Variants in CAND1 observed in about 807,000 individuals in gnomAD.
CAND1 encodes the protein cullin-associated NEDD8-dissociated protein 1.
Under a neutral mutation model 108.5 loss-of-function variants are expected in CAND1, and 7 were observed. The observed-to-expected ratio is 0.06, with a 90% CI of 0.04 to 0.12. CAND1 has a LOEUF of 0.12. Among genes scored for constraint, CAND1 ranks in the 10% least tolerant of loss-of-function variants. The pLI is 1.00. For missense variants in CAND1, 941 were observed against 1,448.7 expected (o/e 0.65, Z 5.69); for synonymous variants, 534 against 512.0 (o/e 1.04, Z -0.58).
chr12:67,291,738 G>T (rs912214321), intron 2 of CAND1, among the ~76,000 whole-genome samples: 7 of 152,164 alleles, frequency 4.6e-5, no homozygotes, highest in African/African-American at 1.4e-4. Context: ...ATGAGGTCAG[G>T]TGTGGAATTT....
Position 67,298,944 on chromosome 12 carries a change from C to T in CAND1, c.855-6C>T, listed in dbSNP as rs374907934. 15 of 1,510,622 alleles carry T rather than the reference C, an allele frequency of 9.9e-6. No homozygotes were observed. In the African/African-American group the frequency reaches 2.1e-4, roughly 21 times the overall value. 93.6% of individuals were successfully genotyped at this position (1,510,622 alleles called of 1,614,324 possible). A position where few individuals can be genotyped will look rare whatever the true frequency, so the allele number is the denominator to read the frequency against. ...TCTTCAAGGCAGCTTTTGTTTTTGTCTTTAGATGTCCTAAGGAAGTATATC... is the reference window on the plus strand; with the variant it reads ...TCTTCAAGGCAGCTTTTGTTTTTGTTTTTAGATGTCCTAAGGAAGTATATC... On this transcript the variant is annotated splice_polypyrimidine_tract_variant and splice_region_variant and intron_variant, in intron 6 of 14. Transcript: ENST00000545606.
At position 67,311,608 on chromosome 12, in the gene CAND1, T is replaced by TC. The variant is rs539725114; in HGVS notation, c.3361-83dup. Reference sequence around the variant, plus strand: ...GGTTTACTTTGCATGCTAGTTATTTTCCTTTAAAGGATTTGTCAGAATTTA... The same window carrying TC: ...GGTTTACTTTGCATGCTAGTTATTTTCCCTTTAAAGGATTTGTCAGAATTTA... On this transcript the variant is annotated intron_variant, in intron 13 of 14. Transcript: ENST00000545606. The TC allele has an allele frequency of 2.1e-4, 108 of 523,210 alleles. 1 individual carries two copies. The Middle Eastern group carries it at 2.3e-3, about 11-fold the overall frequency. The allele number at this position is 523,210 out of a possible 1,614,324, so 32.4% of individuals were successfully genotyped here.
At chr12:67,301,409 T>C (rs2044823557) in intron 7 of CAND1, among the ~76,000 whole-genome samples, 1 of 152,158 alleles carries the variant, frequency 6.6e-6, no homozygotes, top group Non-Finnish European at 1.5e-5. Context: ...TATCTAAGAA[T>C]AAAGAAATTA....
Position 67,302,617 on chromosome 12 carries a change from T to C in CAND1, c.1293+2T>C. The C allele has an allele frequency of 6.2e-7, 1 of 1,603,080 alleles. No individual in the cohort carries two copies. ...CCTTTAACAATGCTTCAGAGTCAGG[T>C]GGGTTTTAAAGTAAAGTTTAGAAAA... On this transcript the variant is annotated splice_donor_variant, in intron 8 of 14. Transcript: ENST00000545606. LOFTEE classifies it high-confidence loss of function.
chr12:67,276,511 T>C (rs1274839829), intron 1 of CAND1, among the ~76,000 whole-genome samples: 1 of 152,126 alleles, frequency 6.6e-6, no homozygotes, highest in Non-Finnish European at 1.5e-5. Context: ...TTGCTTTAGG[T>C]TGAGTGTTGT....
intron 2 of CAND1, among the ~76,000 whole-genome samples, chr12:67,282,592 CTG>C (rs1016752883): frequency 8.5e-5 from 13 of 152,194 alleles, no homozygotes; most frequent in Non-Finnish European, 1.9e-4. Flanking sequence ...AGGTCTCACT[CTG>C]TGGCCCAGGC....
chr12:67,306,579 A>C lies in CAND1; in HGVS notation c.2911A>C (p.Lys971Gln). The change falls in exon 10 of 15, where the codon AAG becomes CAG. Residue 971 changes from lysine (K) to glutamine (Q), a missense_variant. Physicochemically the swap from Lys to Gln is moderately conservative, Grantham distance 53. This residue lies in a region of CAND1 where 106 missense variants were observed against 182.0 expected (regional missense o/e 0.58). Transcript: ENST00000545606. ...IDPETLLPRLKGYLISGSSYA... is the reference protein window; with the variant it reads ...IDPETLLPRLQGYLISGSSYA... The stretch of plus-strand genomic sequence containing the variant: ...TCCAGAAACTCTCCTTCCACGGCTT[A>C]AGGGGTACTTGATATCAGGTAGGTA... 6.2e-7 allele frequency: 1 copy of C among 1,608,002 alleles called. No homozygotes were observed. The highest frequency in any genetic ancestry group is 8.5e-7 in the Non-Finnish European group (1 of 1,177,202).
intron 2 of CAND1, among the ~76,000 whole-genome samples, chr12:67,283,336 C>A (rs953605003): frequency 2.3e-4 from 35 of 152,086 alleles, no homozygotes; most frequent in African/African-American, 7.7e-4. Context: ...GTAATCCTAG[C>A]ACTTTGGGAG....
At chr12:67,311,940 T>G in intron 14 of CAND1, 140 bp downstream of exon 14, 1 of 563,606 alleles carries the variant, frequency 1.8e-6, no homozygotes, top group Non-Finnish European at 3.2e-6. Context: ...TATCGAATAC[T>G]GATATTTTAT....
intron 7 of CAND1, among the ~76,000 whole-genome samples, chr12:67,300,167 A>G (rs2044810554): frequency 6.6e-6 from 1 of 152,178 alleles, no homozygotes; most frequent in African/African-American, 2.4e-5. Context: ...CTGGGATACC[A>G]TTCTAGCCTG....
At chr12:67,276,726 T>C (rs1251726755) in intron 1 of CAND1, among the ~76,000 whole-genome samples, 1 of 152,230 alleles carries the variant, frequency 6.6e-6, no homozygotes, top group East Asian at 1.9e-4. Flanking sequence ...GAAAACAATA[T>C]GCCTTAGCTG....
At chr12:67,280,855 C>T (rs2044612996) in intron 1 of CAND1, among the ~76,000 whole-genome samples, 1 of 152,090 alleles carries the variant, frequency 6.6e-6, no homozygotes, top group Non-Finnish European at 1.5e-5. Flanking sequence ...CACTGTTAAA[C>T]CTTCCTTTGG....
At chr12:67,291,765 A>G (rs978765283) in intron 2 of CAND1, among the ~76,000 whole-genome samples, 1 of 152,166 alleles carries the variant, frequency 6.6e-6, no homozygotes, top group African/African-American at 2.4e-5. Context: ...ATGGCACTCA[A>G]AGGGTTTTGA....
chr12:67,284,826 A>T (rs2044654943), intron 2 of CAND1, among the ~76,000 whole-genome samples: 1 of 68,728 alleles, frequency 1.5e-5, no homozygotes, highest in South Asian at 5.0e-4. Context: ...AAAGTTATAA[A>T]ATACCAGATA....
intron 4 of CAND1, among the ~76,000 whole-genome samples, chr12:67,296,402 G>A (rs1385124430): frequency 2.0e-5 from 3 of 152,058 alleles, no homozygotes; most frequent in African/African-American, 7.2e-5. Context: ...AAGCAATACA[G>A]AAAGTCAGAA....
In CAND1 at chr12:67,318,619, CCTT is replaced by C. The variant is rs1426286918; in HGVS notation, c.*5790_*5792del. 1 of 152,178 alleles carries C rather than the reference CCTT, an allele frequency of 6.6e-6. No homozygotes were observed. The highest frequency in any genetic ancestry group is 2.4e-5 in the African/African-American group (1 of 41,440). 9.4% of individuals were successfully genotyped at this position (152,178 alleles called of 1,614,324 possible). A position where few individuals can be genotyped will look rare whatever the true frequency, so the allele number is the denominator to read the frequency against. ...CTTTTGGCTTAAGACCTCTTTTCCT[CCTT>C]ATCTATTGACTGGACTGCGGCAAAT... On this transcript the variant is annotated 3_prime_UTR_variant, in exon 15 of 15. Coordinates refer to ENST00000545606, the MANE Select transcript of CAND1 (RefSeq NM_018448.5).
Position 67,302,527 on chromosome 12 carries a change from T to G in CAND1, c.1205T>G (p.Leu402Trp). Residue 402 changes from leucine to tryptophan, a missense_variant, in exon 8 of 15, where the codon TTG becomes TGG. This residue lies in a region of CAND1 where 697 missense variants were observed against 942.0 expected (regional missense o/e 0.74). Transcript: ENST00000545606. ...ADVFHAYLSL[L>W]KQTRPVQSWL... ...GTTTTTCACGCATACCTTTCTCTTT[T>G]GAAGCAAACTCGTCCTGTACAAAGT... 6.2e-7 allele frequency: 1 copy of G among 1,614,142 alleles called. No individual in the cohort carries two copies. Among genetic ancestry groups the G allele is most frequent in the Non-Finnish European group, 8.5e-7 (1 of 1,179,974 alleles).
At chr12:67,307,337 T>C in intron 10 of CAND1, 60 bp from the exon 11 acceptor site, 1 of 1,190,024 alleles carries the variant, frequency 8.4e-7, no homozygotes, top group Non-Finnish European at 1.2e-6. Flanking sequence ...GGTTTAAAAA[T>C]GATGTCCGTG....
At chr12:67,284,389 A>C (rs2044648663) in intron 2 of CAND1, among the ~76,000 whole-genome samples, 1 of 152,218 alleles carries the variant, frequency 6.6e-6, no homozygotes, top group African/African-American at 2.4e-5. Context: ...GGGGCAGTTC[A>C]GTATTATATG....
Sources: gnomAD v4.1 joint callset for allele counts (sites outside exome capture counted in the v4.1 genomes callset) on GRCh38, gnomAD v4.1.1 for gene constraint, gnomAD v4.1.1 regional missense constraint, MANE v1.5 for transcripts, NCBI Gene and HGNC (gene_info 2026-07-23, HGNC 2026-07-21) for gene names.